SNX4: variants seen among roughly 807,000 people sequenced by gnomAD.
The protein encoded by SNX4 is sorting nexin-4.
In SNX4, 49 loss-of-function variants were observed where a neutral mutation model predicts 70.8. That is an observed-to-expected ratio of 0.69 (90% confidence interval 0.55 to 0.88). The LOEUF is 0.88. Among genes scored for constraint, SNX4 ranks in the 40% least tolerant of loss-of-function variants. The pLI is 0.00. For missense variants in SNX4, 528 were observed against 544.8 expected, an observed-to-expected ratio of 0.97 and a Z score of 0.31; for synonymous variants, 206 against 183.8, an observed-to-expected ratio of 1.12 and a Z score of -0.98.
Position 125,480,293 on chromosome 3 carries a change from C to A in SNX4, c.680G>T (p.Ser227Ile). The change falls in exon 7 of 14, where the codon AGT (serine) becomes ATT (isoleucine). Residue 227 changes from serine to isoleucine, a missense_variant. Physicochemically the swap from Ser to Ile is moderately radical, Grantham distance 142. Coordinates refer to ENST00000251775, the MANE Select transcript of SNX4 (RefSeq NM_003794.4). ...DKRFTDLKHYSDELQSVISHL... is the reference protein window; with the variant it reads ...DKRFTDLKHYIDELQSVISHL... ...TGAGATGACAGACTGCAGTTCATCA[C>A]TATAGTGCTTAAGGTCAGTAAATCT... 6.4e-7 allele frequency: 1 copy of A among 1,565,280 alleles called. No homozygotes were observed.
chr3:125,453,713 A>G, intron 12 of SNX4, 97 bp downstream of exon 12: 1 of 1,173,678 alleles, frequency 8.5e-7, no homozygotes, highest in Non-Finnish European at 1.2e-6. Flanking sequence ...ATGCCAATGA[A>G]GCTGGGAATT....
intron 6 of SNX4, among the ~76,000 whole-genome samples, chr3:125,482,712 TC>T (rs1934441051): frequency 6.6e-6 from 1 of 152,026 alleles, no homozygotes; most frequent in Non-Finnish European, 1.5e-5. Flanking sequence ...CTTTTCACAG[TC>T]CCCAAGTATT....
intron 12 of SNX4, among the ~76,000 whole-genome samples, chr3:125,452,850 C>T (rs1310976008): frequency 2.0e-5 from 3 of 152,128 alleles, no homozygotes; most frequent in Non-Finnish European, 4.4e-5. Context: ...AACTCCTGAC[C>T]TCATGATCCA....
At chr3:125,505,025 A>C (rs1041123791) in intron 1 of SNX4, among the ~76,000 whole-genome samples, 2 of 152,188 alleles carry the variant, frequency 1.3e-5, no homozygotes, top group Admixed American at 6.5e-5. Flanking sequence ...GCTGAAGTGC[A>C]CTGGCGCGAT....
chr3:125,517,876 T>G (rs1210889820), intron 1 of SNX4, among the ~76,000 whole-genome samples: 1 of 152,016 alleles, frequency 6.6e-6, no homozygotes, highest in East Asian at 1.9e-4. Context: ...CTCAGGAGGC[T>G]GAGGCATGAG....
chr3:125,488,342 G>A (rs913205700), intron 6 of SNX4, among the ~76,000 whole-genome samples: 8 of 151,934 alleles, frequency 5.3e-5, no homozygotes, highest in Non-Finnish European at 1.2e-4. Context: ...GGGCGTTGTA[G>A]GGGGTGCCTA....
chr3:125,461,479 A>G (rs1200837852), intron 9 of SNX4, among the ~76,000 whole-genome samples: 1 of 152,222 alleles, frequency 6.6e-6, no homozygotes, highest in Non-Finnish European at 1.5e-5. Flanking sequence ...TAAGACTGTA[A>G]TATCTTTTGT....
chr3:125,451,098 A>G (rs535651842), intron 13 of SNX4, among the ~76,000 whole-genome samples: 4 of 152,238 alleles, frequency 2.6e-5, no homozygotes, highest in Admixed American at 2.6e-4. Flanking sequence ...AGACCCCCCC[A>G]TATCTATTTT....
At position 125,511,267 on chromosome 3, in the gene SNX4, C is replaced by G. The variant is rs554522793; in HGVS notation, c.142-6523G>C. Among the ~76,000 whole-genome samples the G allele has an allele frequency of 3.3e-5, 5 of 151,864 alleles. No individual in the cohort carries two copies. In the East Asian group the frequency reaches 9.7e-4, roughly 29 times the overall value. ...ACACATTATAAAAATATGAATGATC[C>G]TCAATATTGATATCTAATTTGGGGT... On this transcript the variant is annotated intron_variant, in intron 1 of 13. Coordinates refer to ENST00000251775, the MANE Select transcript of SNX4 (RefSeq NM_003794.4).
chr3:125,498,314 C>T (rs1934855469), intron 2 of SNX4, 120 bp from the exon 3 acceptor site: 1 of 961,372 alleles, frequency 1.0e-6, no homozygotes, highest in African/African-American at 1.7e-5. Flanking sequence ...AAGTAAAGAA[C>T]TTTTCATACA....
intron 1 of SNX4, among the ~76,000 whole-genome samples, chr3:125,509,804 G>A (rs1320261799): frequency 2.1e-5 from 3 of 144,604 alleles, no homozygotes; most frequent in Non-Finnish European, 4.6e-5. Flanking sequence ...GGAAAAATGA[G>A]CAAAGGACTT....
intron 2 of SNX4, among the ~76,000 whole-genome samples, chr3:125,498,405 C>T (rs984749423): frequency 1.3e-5 from 2 of 152,064 alleles, no homozygotes; most frequent in East Asian, 1.9e-4. Flanking sequence ...CTGCAGCCTT[C>T]GCCTCCTGGG....
intron 9 of SNX4, among the ~76,000 whole-genome samples, chr3:125,463,389 G>C (rs141449025): frequency 6.6e-6 from 1 of 152,292 alleles, no homozygotes; most frequent in East Asian, 1.9e-4. Flanking sequence ...AGGAAACACA[G>C]TGTAGGGAGA....
chr3:125,456,605 C>G (rs1309885815), intron 11 of SNX4, among the ~76,000 whole-genome samples: 1 of 152,152 alleles, frequency 6.6e-6, no homozygotes, highest in African/African-American at 2.4e-5. Flanking sequence ...CCTGATCATA[C>G]CACTGCACTC....
chr3:125,484,575 C>A (rs1934481692), intron 6 of SNX4, among the ~76,000 whole-genome samples: 3 of 152,202 alleles, frequency 2.0e-5, no homozygotes, highest in Admixed American at 2.0e-4. Flanking sequence ...TATTCTTTAA[C>A]ATACTTTTAG....
chr3:125,472,934 A>C (rs1579985667), intron 8 of SNX4, among the ~76,000 whole-genome samples: 1 of 147,764 alleles, frequency 6.8e-6, no homozygotes, highest in African/African-American at 2.5e-5. Context: ...CCACCATCCC[A>C]CCCCAGCCCC....
At chr3:125,495,389 A>C (rs1301180819) in intron 5 of SNX4, among the ~76,000 whole-genome samples, 1 of 151,116 alleles carries the variant, frequency 6.6e-6, no homozygotes, top group Admixed American at 6.6e-5. Flanking sequence ...GATGGGAGGA[A>C]GGACTTAAAA....
rs748579228 is a variant in SNX4 at position 125,520,015 on chromosome 3, C to T, written c.141+17G>A. ...CACCACACAGGCCATGAGGGCTCTG[C>T]CGCCCCTTCTCCTCACCGTGTCGAC... On this transcript the variant is annotated intron_variant, in intron 1 of 13. Transcript: ENST00000251775. The T allele has an allele frequency of 3.6e-5, 55 of 1,539,432 alleles. No homozygotes were observed. Among genetic ancestry groups the T allele is most frequent in the Non-Finnish European group, 4.5e-5 (52 of 1,145,374 alleles).
intron 1 of SNX4, among the ~76,000 whole-genome samples, chr3:125,506,604 C>G (rs1371365553): frequency 6.7e-6 from 1 of 149,002 alleles, no homozygotes; most frequent in Non-Finnish European, 1.5e-5. Flanking sequence ...CTCTTGGGTT[C>G]AAGGGATTCT....
Sources: allele counts gnomAD v4.1 joint callset (sites outside exome capture counted in the v4.1 genomes callset), GRCh38; gene constraint gnomAD v4.1.1; transcripts MANE v1.5; gene names NCBI Gene and HGNC (gene_info 2026-07-23, HGNC 2026-07-21).